ADGRL2: variants seen among roughly 807,000 people sequenced by gnomAD.
ADGRL2 encodes calcium-independent alpha-latrotoxin receptor 2.
A neutral mutation model predicts 157.4 loss-of-function variants in ADGRL2; 44 were observed. The ratio of observed to expected loss-of-function variants is 0.28; its 90% CI spans 0.22 to 0.36. The LOEUF (loss-of-function observed/expected upper bound fraction) is 0.36. ADGRL2 is among the 10% of genes least tolerant of loss of function. ADGRL2 has a pLI of 1.00. For synonymous variants in ADGRL2, 585 were observed against 624.7 expected, an observed-to-expected ratio of 0.94 and a Z score of 0.95; for missense variants, 1,510 against 1,768.9, an observed-to-expected ratio of 0.85 and a Z score of 2.63.
At chr1:81,812,152 G>C (rs1036720082) in intron 1 of ADGRL2, among the ~76,000 whole-genome samples, 2 of 151,748 alleles carry the variant, frequency 1.3e-5, no homozygotes, top group African/African-American at 4.8e-5. Context: ...ATGGTGACTT[G>C]CATTTTTACT....
intron 1 of ADGRL2, among the ~76,000 whole-genome samples, chr1:81,829,246 C>T (rs1477498319): frequency 6.6e-6 from 1 of 152,192 alleles, no homozygotes; most frequent in Admixed American, 6.5e-5. Context: ...CACAGAGTTT[C>T]AGGCTGACAT....
At chr1:81,535,246 A>C (rs2079705839) in intron 2 of ADGRL2, among the ~76,000 whole-genome samples, 1 of 152,236 alleles carries the variant, frequency 6.6e-6, no homozygotes, top group Non-Finnish European at 1.5e-5. Context: ...AGATGCAACA[A>C]AGGAAGATGT....
At chr1:81,426,074 C>T (rs2077209630) in intron 1 of ADGRL2, among the ~76,000 whole-genome samples, 1 of 152,056 alleles carries the variant, frequency 6.6e-6, no homozygotes, top group South Asian at 2.1e-4. Flanking sequence ...AGAAAGCCTT[C>T]AGAAATGAAG....
chr1:81,577,914 G>A (rs1454819019), intron 2 of ADGRL2, among the ~76,000 whole-genome samples: 2 of 152,066 alleles, frequency 1.3e-5, no homozygotes, highest in Non-Finnish European at 2.9e-5. Flanking sequence ...AAATCAGTAA[G>A]AAAAGGTGCA....
chr1:81,914,643 C>T (rs946321866), intron 3 of ADGRL2, among the ~76,000 whole-genome samples: 5 of 152,026 alleles, frequency 3.3e-5, no homozygotes, highest in Non-Finnish European at 2.9e-5. Context: ...ATAACTTGGC[C>T]GCTCCTAACC....
intron 1 of ADGRL2, among the ~76,000 whole-genome samples, chr1:81,805,773 G>A (rs1233980076): frequency 6.7e-6 from 1 of 148,680 alleles, no homozygotes; most frequent in Non-Finnish European, 1.5e-5. Context: ...TGCTATTATT[G>A]CACTTAAGTT....
intron 2 of ADGRL2, among the ~76,000 whole-genome samples, chr1:81,779,048 T>G (rs1446380080): frequency 6.6e-6 from 1 of 152,228 alleles, no homozygotes; most frequent in Non-Finnish European, 1.5e-5. Flanking sequence ...TATTTTGTCT[T>G]TCAATTTTTA....
At chr1:81,458,929 G>A (rs747374328) in intron 2 of ADGRL2, among the ~76,000 whole-genome samples, 1 of 152,142 alleles carries the variant, frequency 6.6e-6, no homozygotes, top group Non-Finnish European at 1.5e-5. Flanking sequence ...GAAGGAATAA[G>A]GTATACGGAC....
At chr1:81,591,687 G>A (rs1193704996) in intron 3 of ADGRL2, among the ~76,000 whole-genome samples, 2 of 152,114 alleles carry the variant, frequency 1.3e-5, no homozygotes, top group African/African-American at 2.4e-5. Context: ...CCATTATTAA[G>A]CTACATAAGA....
chr1:81,857,233 A>T (rs1356470643), intron 2 of ADGRL2, among the ~76,000 whole-genome samples: 1 of 152,194 alleles, frequency 6.6e-6, no homozygotes, highest in East Asian at 1.9e-4. Context: ...CACAGAATTC[A>T]TGATGCTTTC....
At chr1:81,929,540 A>G (rs2095181534) in intron 3 of ADGRL2, among the ~76,000 whole-genome samples, 1 of 152,194 alleles carries the variant, frequency 6.6e-6, no homozygotes, top group African/African-American at 2.4e-5. Context: ...AATAGATTAC[A>G]CATGGAATCT....
rs201201890 is a variant in ADGRL2 at position 81,990,377 on chromosome 1, C to T, written c.3656-14C>T. The T allele has an allele frequency of 1.2e-5, 20 of 1,606,762 alleles. No homozygotes were observed. Among genetic ancestry groups the T allele is most frequent in the Middle Eastern group, 3.3e-4 (2 of 6,038 alleles). ...ACAGAGACAGTAATGATAACTCCCC[C>T]TCTTCTGTTTCAGGACATTCACTGA... On this transcript the variant is annotated splice_polypyrimidine_tract_variant and intron_variant, in intron 23 of 23. Coordinates refer to ENST00000686636, the MANE Select transcript of ADGRL2 (RefSeq NM_001366006.2).
At chr1:81,833,335 A>G (rs1200282735) in intron 1 of ADGRL2, among the ~76,000 whole-genome samples, 1 of 152,198 alleles carries the variant, frequency 6.6e-6, no homozygotes, top group South Asian at 2.1e-4. Context: ...TCTTCATGTT[A>G]TAACTGTTTT....
At chr1:81,808,494 A>G (rs2089449959) in intron 1 of ADGRL2, among the ~76,000 whole-genome samples, 1 of 151,946 alleles carries the variant, frequency 6.6e-6, no homozygotes, top group African/African-American at 2.4e-5. Flanking sequence ...TATGAAAGCT[A>G]TTGCATGACA....
chr1:81,967,804 C>T (rs558210430), intron 13 of ADGRL2, among the ~76,000 whole-genome samples: 2 of 152,194 alleles, frequency 1.3e-5, no homozygotes, highest in African/African-American at 4.8e-5. Context: ...TAAAATGGGT[C>T]TTGGTAATTT....
intron 2 of ADGRL2, among the ~76,000 whole-genome samples, chr1:81,518,047 C>T (rs747180242): frequency 6.6e-6 from 1 of 152,198 alleles, no homozygotes; most frequent in Non-Finnish European, 1.5e-5. Flanking sequence ...TGATTAAATT[C>T]CCTTAAAGAG....
At chr1:81,987,279 A>ATT in intron 22 of ADGRL2, 1 of 1,593,208 alleles carries the variant, frequency 6.3e-7, no homozygotes, top group Non-Finnish European at 8.6e-7. Context: ...ATCTTAATAT[A>ATT]TTATTACAGG....
At chr1:81,971,336 C>G (rs997504864) in intron 16 of ADGRL2, among the ~76,000 whole-genome samples, 6 of 152,136 alleles carry the variant, frequency 3.9e-5, no homozygotes, top group Non-Finnish European at 7.4e-5. Context: ...GCTTTGATAT[C>G]CTTTTCTAGC....
At chr1:81,412,700 A>C (rs2101444694) in intron 1 of ADGRL2, among the ~76,000 whole-genome samples, 1 of 152,334 alleles carries the variant, frequency 6.6e-6, no homozygotes, top group East Asian at 1.9e-4. Flanking sequence ...TAATTGATAA[A>C]TACTTGGTTG....
Sources: gnomAD v4.1 joint callset for allele counts (sites outside exome capture counted in the v4.1 genomes callset) on GRCh38, gnomAD v4.1.1 for gene constraint, MANE v1.5 for transcripts, NCBI Gene and HGNC (gene_info 2026-07-23, HGNC 2026-07-21) for gene names.